Variants in RAD51B observed in about 807,000 individuals in gnomAD.
The protein encoded by RAD51B is RAD51 paralog B.
RAD51B carries 38 observed loss-of-function variants against 42.2 expected under a neutral mutation model. That is an observed-to-expected ratio of 0.90 (90% CI 0.70 to 1.18). RAD51B has a LOEUF of 1.18. Among genes scored for constraint, RAD51B ranks in the 50% most tolerant of loss-of-function variants. The probability of loss-of-function intolerance (pLI) is 0.00; values close to 1 mark genes in which losing one functional copy is unlikely to be tolerated. For synonymous variants in RAD51B, 154 were observed against 145.2 expected (o/e 1.06, Z -0.43); for missense variants, 373 against 400.7 (o/e 0.93, Z 0.59).
chr14:68,501,034 G>T (rs767626736), intron 10 of RAD51B, among the ~76,000 whole-genome samples: 1 of 152,192 alleles, frequency 6.6e-6, no homozygotes, highest in Non-Finnish European at 1.5e-5. Context: ...AGTTTTGGGA[G>T]ATCTGGGCTG....
intron 10 of RAD51B, among the ~76,000 whole-genome samples, chr14:68,495,883 A>G (rs567336983): frequency 6.6e-6 from 1 of 152,362 alleles, no homozygotes; most frequent in East Asian, 1.9e-4. Flanking sequence ...CCTCCTTTCA[A>G]GCAAAGATGC....
At chr14:68,659,100 T>A (rs1250037955) in intron 11 of RAD51B, among the ~76,000 whole-genome samples, 3 of 151,870 alleles carry the variant, frequency 2.0e-5, no homozygotes, top group Non-Finnish European at 4.4e-5. Context: ...GGGCAGAGAG[T>A]GGACAGCGCT....
intron 7 of RAD51B, among the ~76,000 whole-genome samples, chr14:68,262,004 A>G (rs1240215632): frequency 6.6e-6 from 1 of 152,174 alleles, no homozygotes; most frequent in Non-Finnish European, 1.5e-5. Flanking sequence ...GCTCAAAGCC[A>G]TACTAGCCAT....
intron 10 of RAD51B, among the ~76,000 whole-genome samples, chr14:68,567,293 C>G (rs1889472017): frequency 6.7e-6 from 1 of 150,094 alleles, no homozygotes; most frequent in Non-Finnish European, 1.5e-5. Context: ...GAGTAAGACT[C>G]TGTCTCAGAA....
chr14:68,570,546 A>G (rs1307526113), intron 10 of RAD51B, among the ~76,000 whole-genome samples: 2 of 152,226 alleles, frequency 1.3e-5, no homozygotes, highest in African/African-American at 4.8e-5. Context: ...TAAAGGGACA[A>G]AGGCATGGCC....
At chr14:68,372,615 A>T (rs970011275) in intron 8 of RAD51B, among the ~76,000 whole-genome samples, 5 of 152,152 alleles carry the variant, frequency 3.3e-5, no homozygotes, top group Admixed American at 6.5e-5. Context: ...TCCTGGAGAG[A>T]AACAGAAAAG....
intron 9 of RAD51B, among the ~76,000 whole-genome samples, chr14:68,439,585 C>T (rs1012637866): frequency 6.6e-6 from 1 of 152,174 alleles, no homozygotes; most frequent in Non-Finnish European, 1.5e-5. Context: ...CCTGTTCCCC[C>T]AAAGGACTCT....
At chr14:68,382,660 A>G (rs1448470461) in intron 8 of RAD51B, among the ~76,000 whole-genome samples, 1 of 152,242 alleles carries the variant, frequency 6.6e-6, no homozygotes, top group East Asian at 1.9e-4. Flanking sequence ...CAATGCTAAC[A>G]AAGTTAAGAC....
chr14:68,480,681 A>G (rs1883107815), downstream of RAD51B, among the ~76,000 whole-genome samples: 1 of 151,582 alleles, frequency 6.6e-6, no homozygotes, highest in Non-Finnish European at 1.5e-5. Flanking sequence ...AAAAATGTCT[A>G]TATTGTGACT....
intron 7 of RAD51B, among the ~76,000 whole-genome samples, chr14:68,187,621 A>G (rs2079183580): frequency 6.6e-6 from 1 of 152,184 alleles, no homozygotes. Context: ...ACTATGGAGG[A>G]AGGGAAAAAG....
chr14:68,397,012 C>T (rs879497738), intron 8 of RAD51B, among the ~76,000 whole-genome samples: 3 of 152,186 alleles, frequency 2.0e-5, no homozygotes, highest in African/African-American at 4.8e-5. Context: ...TTCTTTGTAG[C>T]GCAGCTTCCT....
rs565081168 is a variant in RAD51B, at chr14:67,846,433, G to A, written c.315+11237G>A. 3.3e-5 allele frequency among the ~76,000 whole-genome samples: 5 copies of A among 152,332 alleles called. No individual in the cohort carries two copies. In the South Asian group the frequency reaches 8.3e-4, roughly 25 times the overall value. On this transcript the variant is annotated intron_variant, in intron 4 of 10. Coordinates refer to ENST00000471583, the MANE Select transcript of RAD51B (RefSeq NM_133510.4). Reference sequence around the variant, plus strand: ...GCATATGCACATGGGTGCCAGCGATGGAGGGGAGGTGAGGTCTACCCACAC... The same window carrying A: ...GCATATGCACATGGGTGCCAGCGATAGAGGGGAGGTGAGGTCTACCCACAC...
intron 7 of RAD51B, among the ~76,000 whole-genome samples, chr14:67,931,345 T>C (rs1330705890): frequency 6.6e-6 from 1 of 152,114 alleles, no homozygotes; most frequent in Non-Finnish European, 1.5e-5. Flanking sequence ...AGTTCCAAAA[T>C]TTTGGTTTGT....
chr14:68,136,649 C>CTG (rs1453398093), intron 7 of RAD51B, among the ~76,000 whole-genome samples: 1 of 58,952 alleles, frequency 1.7e-5, no homozygotes, highest in African/African-American at 3.7e-5. Flanking sequence ...CAAACACATA[C>CTG]TGCTTATTCC....
At chr14:68,649,215 A>G (rs908432896) in intron 10 of RAD51B, among the ~76,000 whole-genome samples, 1 of 152,220 alleles carries the variant, frequency 6.6e-6, no homozygotes, top group Non-Finnish European at 1.5e-5. Flanking sequence ...AGCTTGCTTT[A>G]TACTGATTGT....
At chr14:67,861,728 G>C (rs1566929093) in intron 4 of RAD51B, among the ~76,000 whole-genome samples, 1 of 152,076 alleles carries the variant, frequency 6.6e-6, no homozygotes, top group Non-Finnish European at 1.5e-5. Context: ...ATGCAACACT[G>C]TTACTTCATT....
intron 10 of RAD51B, among the ~76,000 whole-genome samples, chr14:68,589,972 A>G (rs1256748459): frequency 6.6e-6 from 1 of 152,056 alleles, no homozygotes; most frequent in Non-Finnish European, 1.5e-5. Flanking sequence ...ATCTGTACCC[A>G]TGGTGTGTAT....
At chr14:68,408,366 T>C (rs1279783576) in intron 8 of RAD51B, among the ~76,000 whole-genome samples, 1 of 152,166 alleles carries the variant, frequency 6.6e-6, no homozygotes, top group East Asian at 1.9e-4. Flanking sequence ...AAATATGAGC[T>C]TGCTTTGATG....
chr14:67,937,274 C>G (rs549489343), intron 7 of RAD51B, among the ~76,000 whole-genome samples: 1 of 152,168 alleles, frequency 6.6e-6, no homozygotes, highest in Non-Finnish European at 1.5e-5. Flanking sequence ...GCACATGACA[C>G]ACCTTCTTCC....
Sources: allele counts gnomAD v4.1 joint callset (sites outside exome capture counted in the v4.1 genomes callset), GRCh38; gene constraint gnomAD v4.1.1; transcripts MANE v1.5; gene names NCBI Gene and HGNC (gene_info 2026-07-23, HGNC 2026-07-21).